Variants in SUN1 observed in about 807,000 individuals in gnomAD.
SUN1 encodes Sad1 and UNC84 domain containing 1, also known as SUN domain-containing protein 1.
Under a neutral mutation model 103.2 loss-of-function variants are expected in SUN1, and 61 were observed. The ratio of observed to expected loss-of-function variants is 0.59; its 90% confidence interval spans 0.48 to 0.73. SUN1 has a LOEUF of 0.73. SUN1 is among the 30% of genes least tolerant of loss of function. The pLI is 0.00. For synonymous variants in SUN1, 490 were observed against 425.7 expected, an observed-to-expected ratio of 1.15 and a Z score of -1.86; for missense variants, 1,052 against 1,034.6, an observed-to-expected ratio of 1.02 and a Z score of -0.23.
intron 6 of SUN1, 129 bp from the exon 7 acceptor site, chr7:851,821 T>C: frequency 2.2e-6 from 2 of 912,300 alleles, no homozygotes; most frequent in Non-Finnish European, 3.4e-6. Context: ...GCGACTAGCA[T>C]CACCGAACTT....
In SUN1 at chr7:852,630, G is replaced by A. The variant is rs373974517; in HGVS notation, c.873G>A (p.Lys291=). Residue 291 remains lysine, a synonymous_variant, in exon 8 of 19, where the codon AAG becomes AAA. Coordinates refer to ENST00000401592, the MANE Select transcript of SUN1 (RefSeq NM_001130965.3). ...CCAGGTGCCTTCGAAACATCTGCAA[G>A]TTTTTAGTCTTGCTCATCCCACTCT... ...LLTRCLRNIC[K]FLVLLIPLFL... is the part of the protein sequence containing the mutation. The A allele has an allele frequency of 1.3e-5, 21 of 1,614,088 alleles. No individual in the cohort carries two copies. Among genetic ancestry groups the A allele is most frequent in the Middle Eastern group, 3.3e-4 (2 of 6,084 alleles).
chr7:869,510 C>A lies in SUN1; in HGVS notation c.2142C>A (p.Ala714=). The change falls in exon 17 of 19, where the codon GCC becomes GCA. Residue 714 remains alanine, a synonymous_variant. Transcript: ENST00000401592. ...GNISSAPKDF[A]VYGLENEYQE... ...TCAGCAGCGCCCCCAAGGACTTCGC[C>A]GTCTATGTGAGTGCCCTTGGCCGAC... 6.2e-7 allele frequency: 1 copy of A among 1,613,050 alleles called. No individual in the cohort carries two copies.
chr7:852,465 C>A, intron 7 of SUN1, 144 bp from the exon 8 acceptor site: 1 of 916,944 alleles, frequency 1.1e-6, no homozygotes, highest in Non-Finnish European at 1.7e-6. Flanking sequence ...CTGAAGGCAT[C>A]AGAAGCCTTG....
chr7:823,699 C>T (rs545246244), intron 1 of SUN1, among the ~76,000 whole-genome samples: 1 of 152,070 alleles, frequency 6.6e-6, no homozygotes, highest in Non-Finnish European at 1.5e-5. Flanking sequence ...GTGGTTTTCT[C>T]AAGGATTGGC....
chr7:852,471 C>A, intron 7 of SUN1, 138 bp from the exon 8 acceptor site: 2 of 962,558 alleles, frequency 2.1e-6, no homozygotes, highest in Admixed American at 2.0e-5. Flanking sequence ...GCATCAGAAG[C>A]CTTGTAGATA....
intron 17 of SUN1, 51 bp from the exon 18 acceptor site, chr7:872,419 C>T: frequency 1.4e-6 from 2 of 1,475,138 alleles, no homozygotes; most frequent in East Asian, 2.4e-5. Flanking sequence ...GTCCTCTCTG[C>T]TCAGTGTTAT....
chr7:839,480 G>A (rs943933627), intron 2 of SUN1, among the ~76,000 whole-genome samples: 2 of 152,242 alleles, frequency 1.3e-5, no homozygotes, highest in African/African-American at 4.8e-5. Flanking sequence ...TGTCTCCCGG[G>A]TTCAAGCGAT....
chr7:843,401 A>T lies in SUN1; in HGVS notation c.539A>T (p.His180Leu). The T allele has an allele frequency of 2.5e-6, 4 of 1,613,148 alleles. No individual in the cohort carries two copies. The highest frequency in any genetic ancestry group is 3.4e-6 in the Non-Finnish European group (4 of 1,179,302). Residue 180 changes from histidine to leucine, a missense_variant, in exon 5 of 19, where the codon CAC becomes CTC. Physicochemically the swap from His to Leu is moderately conservative, Grantham distance 99. Coordinates refer to ENST00000401592, the MANE Select transcript of SUN1 (RefSeq NM_001130965.3). ...GDVGAAAATA[H>L]NGFSCSNCSM... ...GTGGGAGCCGCCGCCGCCACCGCGCACAACGGCTTCTCCTGCAGCAACTGC... is the reference window on the plus strand; with the variant it reads ...GTGGGAGCCGCCGCCGCCACCGCGCTCAACGGCTTCTCCTGCAGCAACTGC...
intron 12 of SUN1, among the ~76,000 whole-genome samples, chr7:857,436 A>G (rs1828564073): frequency 6.6e-6 from 1 of 152,192 alleles, no homozygotes; most frequent in South Asian, 2.1e-4. Context: ...AAAGACCTCA[A>G]GTGATCTGCC....
Position 874,189 on chromosome 7 carries a change from A to G in SUN1, c.*858A>G, listed in dbSNP as rs936827892. Reference sequence around the variant, plus strand: ...CTGAGCCTCCCTCTCACTGGTGGTGATAAGAGGAGCCGTCTGGTGTGTCAG... The same window carrying G: ...CTGAGCCTCCCTCTCACTGGTGGTGGTAAGAGGAGCCGTCTGGTGTGTCAG... On this transcript the variant is annotated 3_prime_UTR_variant, in exon 19 of 19. Transcript: ENST00000401592. 6 of 152,438 alleles carry G rather than the reference A, an allele frequency of 3.9e-5. No individual in the cohort carries two copies. The highest frequency in any genetic ancestry group is 7.2e-5 in the African/African-American group (3 of 41,450). 9.4% of individuals were successfully genotyped at this position (152,438 alleles called of 1,614,324 possible). A position where few individuals can be genotyped will look rare whatever the true frequency, so the allele number is the denominator to read the frequency against.
At chr7:844,286 G>A (rs1054161098) in intron 5 of SUN1, among the ~76,000 whole-genome samples, 19 of 152,240 alleles carry the variant, frequency 1.2e-4, no homozygotes, top group African/African-American at 4.6e-4. Context: ...CCTCGGCCGG[G>A]CCGGGTGCTG....
chr7:860,772 C>T (rs1831551014), intron 14 of SUN1, among the ~76,000 whole-genome samples: 1 of 152,224 alleles, frequency 6.6e-6, no homozygotes, highest in African/African-American at 2.4e-5. Context: ...TTGCACATGG[C>T]TGCAGAAGCC....
At chr7:848,655 A>C in intron 5 of SUN1, 37 of 1,274,494 alleles carry the variant, frequency 2.9e-5, no homozygotes, top group Non-Finnish European at 3.7e-5. Context: ...CACCAATCAC[A>C]CTTTCGCAGT....
At position 873,201 on chromosome 7, in the gene SUN1, C is replaced by G. The variant is rs763822378; in HGVS notation, c.2242-14C>G. The G allele has an allele frequency of 1.9e-6, 3 of 1,612,658 alleles. No individual in the cohort carries two copies. Among genetic ancestry groups the G allele is most frequent in the Non-Finnish European group, 2.5e-6 (3 of 1,178,758 alleles). ...ATGAAATACATGTGTGTGTTTTTCC[C>G]ACCTTGATTTCAGAAAAGACCCGAC... is the stretch of plus-strand genomic sequence containing the variant. On this transcript the variant is annotated splice_polypyrimidine_tract_variant and intron_variant, in intron 18 of 18. Transcript: ENST00000401592.
intron 5 of SUN1, chr7:848,555 A>G (rs764975613): frequency 7.4e-7 from 1 of 1,358,802 alleles, no homozygotes; most frequent in South Asian, 1.2e-5. Flanking sequence ...CAAATTGAAA[A>G]CTCATGAATC....
chr7:818,097 AAAT>A (rs1391674921), intron 1 of SUN1, among the ~76,000 whole-genome samples: 1 of 152,156 alleles, frequency 6.6e-6, no homozygotes, highest in African/African-American at 2.4e-5. Context: ...GATTGTGCTA[AAAT>A]ACACGTAACG....
intron 16 of SUN1, among the ~76,000 whole-genome samples, chr7:867,385 C>T (rs1317031707): frequency 6.6e-6 from 1 of 152,262 alleles, no homozygotes; most frequent in East Asian, 1.9e-4. Context: ...GTTTTCTGCA[C>T]AGGGTTGCCA....
In SUN1 at chr7:838,911, C is replaced by T; in HGVS notation, c.191C>T (p.Thr64Ile). ...RSLRLATTAC[T>I]LGDGEAVGAD... ...TTGCGCCTGGCCACGACAGCATGCACCCTGGGGGATGGTGAGGCTGTGGGT... is the reference window on the plus strand; with the variant it reads ...TTGCGCCTGGCCACGACAGCATGCATCCTGGGGGATGGTGAGGCTGTGGGT... The change falls in exon 2 of 19, where the codon ACC becomes ATC. Residue 64 changes from threonine (T) to isoleucine (I), a missense_variant. Around this residue, in one of 2 missense-constraint regions of SUN1, gnomAD observed 846 missense variants for 774.5 expected, o/e 1.09. Coordinates refer to ENST00000401592, the MANE Select transcript of SUN1 (RefSeq NM_001130965.3). 1 of 1,611,510 alleles carries T rather than the reference C, an allele frequency of 6.2e-7. No individual in the cohort carries two copies. The highest frequency in any genetic ancestry group is 8.5e-7 in the Non-Finnish European group (1 of 1,179,302).
At chr7:863,962 G>A (rs180684273) in intron 15 of SUN1, among the ~76,000 whole-genome samples, 2 of 152,194 alleles carry the variant, frequency 1.3e-5, no homozygotes, top group Non-Finnish European at 2.9e-5. Flanking sequence ...AAAGTAGGAG[G>A]TTCTTTGTAT....
Sources: gnomAD v4.1 joint callset for allele counts (sites outside exome capture counted in the v4.1 genomes callset) on GRCh38, gnomAD v4.1.1 for gene constraint, gnomAD v4.1.1 regional missense constraint, MANE v1.5 for transcripts, NCBI Gene and HGNC (gene_info 2026-07-23, HGNC 2026-07-21) for gene names.